Variants in CLYBL observed in about 807,000 individuals in gnomAD.
The protein encoded by CLYBL is citramalyl-CoA lyase, also known as citramalyl-CoA lyase, mitochondrial.
A neutral mutation model predicts 38.9 loss-of-function variants in CLYBL; 31 were observed. The ratio of observed to expected loss-of-function variants is 0.80; its 90% CI spans 0.60 to 1.08. The LOEUF (loss-of-function observed/expected upper bound fraction) is 1.08, where lower values mean the gene tolerates loss of function less well. Ranked by LOEUF, CLYBL falls within the 50% of genes least tolerant of loss-of-function variation. The pLI is 0.00. For synonymous variants in CLYBL, 171 were observed against 158.6 expected (o/e 1.08, Z -0.59); for missense variants, 434 against 411.6 (o/e 1.05, Z -0.47).
chr13:99,634,306 CTG>C (rs985733480), intron 1 of CLYBL, among the ~76,000 whole-genome samples: 2 of 152,190 alleles, frequency 1.3e-5, no homozygotes, highest in Admixed American at 1.3e-4. Flanking sequence ...TAAACAAAAA[CTG>C]AGAGAATTTG....
In CLYBL at chr13:99,885,580, C is replaced by T. The variant is rs776851880; in HGVS notation, c.928-5738C>T. 7.2e-5 allele frequency among the ~76,000 whole-genome samples: 11 copies of T among 152,290 alleles called. No individual in the cohort carries two copies. In the South Asian group the frequency reaches 8.3e-4, roughly 11 times the overall value. On this transcript the variant is annotated intron_variant, in intron 7 of 8. Transcript: ENST00000339105. ...CACGCTCCCAACTAGAAAAGTGCCA[C>T]TCCCTATAAACATCCTGGCACCATG...
At chr13:99,770,777 A>C (rs2049373971) in intron 1 of CLYBL, among the ~76,000 whole-genome samples, 2 of 151,840 alleles carry the variant, frequency 1.3e-5, no homozygotes, top group South Asian at 4.2e-4. Context: ...GCTGGAGTGC[A>C]GTGGTGCGAT....
At chr13:99,842,194 A>G (rs1364539702) in intron 2 of CLYBL, among the ~76,000 whole-genome samples, 2 of 152,120 alleles carry the variant, frequency 1.3e-5, no homozygotes, top group Admixed American at 6.5e-5. Context: ...ATGAGGGGGC[A>G]TGATCTAGCA....
intron 4 of CLYBL, among the ~76,000 whole-genome samples, chr13:99,863,704 C>T (rs1168052936): frequency 6.6e-6 from 1 of 152,164 alleles, no homozygotes; most frequent in African/African-American, 2.4e-5. Context: ...AGAGCTAGCT[C>T]GTTTTTTCTC....
chr13:99,839,017 T>TAAAG (rs1166448927), intron 2 of CLYBL, among the ~76,000 whole-genome samples: 4 of 152,354 alleles, frequency 2.6e-5, no homozygotes, highest in Admixed American at 6.5e-5. Context: ...AAGACTACCC[T>TAAAG]AAAGACCATA....
Position 99,795,212 on chromosome 13 carries a change from A to G in CLYBL, c.249+22202A>G, listed in dbSNP as rs7982629. Among the ~76,000 whole-genome samples the G allele has an allele frequency of 8.8e-3, 1,339 of 152,280 alleles. 22 individuals carry two copies. The highest frequency in any genetic ancestry group is 0.03 in the African/African-American group (1,265 of 41,556). ...CAAATATGTTTTTGCAATTTCCTCC[A>G]TGTAATGCAGTTGTGTTAGCCATTT... On this transcript the variant is annotated intron_variant, in intron 2 of 8. Coordinates refer to ENST00000339105, the MANE Select transcript of CLYBL (RefSeq NM_206808.5).
At chr13:99,843,995 A>G (rs2051142456) in intron 2 of CLYBL, among the ~76,000 whole-genome samples, 1 of 152,264 alleles carries the variant, frequency 6.6e-6, no homozygotes, top group Non-Finnish European at 1.5e-5. Flanking sequence ...CATGTCGAGC[A>G]TAAACAGATA....
chr13:99,789,889 G>A (rs910542786), intron 2 of CLYBL, among the ~76,000 whole-genome samples: 5 of 152,090 alleles, frequency 3.3e-5, no homozygotes, highest in Non-Finnish European at 7.4e-5. Context: ...CTCCTGTATT[G>A]GGTGCATATA....
intron 2 of CLYBL, among the ~76,000 whole-genome samples, chr13:99,851,439 G>A (rs1301514710): frequency 6.6e-6 from 1 of 150,946 alleles, no homozygotes; most frequent in Non-Finnish European, 1.5e-5. Context: ...AGTAATTGGT[G>A]CCACATTGTA....
chr13:99,788,073 T>G (rs557632610), intron 2 of CLYBL, among the ~76,000 whole-genome samples: 7 of 152,376 alleles, frequency 4.6e-5, no homozygotes, highest in Admixed American at 3.3e-4. Context: ...TTGCTGAAGT[T>G]GCTTATCAGC....
intron 1 of CLYBL, among the ~76,000 whole-genome samples, chr13:99,711,232 G>A (rs1315014776): frequency 1.3e-5 from 2 of 151,922 alleles, no homozygotes; most frequent in African/African-American, 4.8e-5. Context: ...TAAACTGGGT[G>A]TCTTATAAGC....
chr13:99,754,134 G>A (rs1480636495), intron 1 of CLYBL, among the ~76,000 whole-genome samples: 2 of 147,362 alleles, frequency 1.4e-5, no homozygotes, highest in African/African-American at 2.5e-5. Context: ...ACTTGGCCGG[G>A]TGTGGTGGCT....
At chr13:99,893,972 C>T (rs975699658), downstream of CLYBL, 1 of 152,376 alleles carries the variant, frequency 6.6e-6, no homozygotes, top group Non-Finnish European at 1.5e-5. Context: ...TTATCTTCCT[C>T]ATAACCCATG....
intron 1 of CLYBL, among the ~76,000 whole-genome samples, chr13:99,745,233 TAAAC>T (rs1469831449): frequency 6.6e-6 from 1 of 152,252 alleles, no homozygotes; most frequent in Non-Finnish European, 1.5e-5. Flanking sequence ...AAGTCACAAA[TAAAC>T]CATAACATAG....
intron 1 of CLYBL, among the ~76,000 whole-genome samples, chr13:99,768,192 CTTTTTTTTTTT>C (rs58499426): frequency 5.8e-5 from 6 of 102,672 alleles, no homozygotes; most frequent in Non-Finnish European, 9.1e-5. Context: ...TTTTCTTTTT[CTTTTTTTTTTT>C]TTTTTTTTTG....
At chr13:99,682,402 A>G (rs954216710) in intron 1 of CLYBL, among the ~76,000 whole-genome samples, 4 of 152,140 alleles carry the variant, frequency 2.6e-5, no homozygotes, top group African/African-American at 9.7e-5. Flanking sequence ...TTGGCCTCCC[A>G]AAGTGCTGGG....
At chr13:99,771,692 A>G (rs1330456985) in intron 1 of CLYBL, among the ~76,000 whole-genome samples, 1 of 152,084 alleles carries the variant, frequency 6.6e-6, no homozygotes, top group Non-Finnish European at 1.5e-5. Flanking sequence ...TCTACCAGAG[A>G]CTGAACTTGG....
At chr13:99,754,858 C>G (rs1448748021) in intron 1 of CLYBL, among the ~76,000 whole-genome samples, 1 of 149,302 alleles carries the variant, frequency 6.7e-6, no homozygotes, top group Non-Finnish European at 1.5e-5. Flanking sequence ...TTCCAAAGTG[C>G]TGGAATTACA....
At chr13:99,715,569 A>AT (rs1186457979) in intron 1 of CLYBL, among the ~76,000 whole-genome samples, 2 of 151,694 alleles carry the variant, frequency 1.3e-5, no homozygotes, top group African/African-American at 4.8e-5. Flanking sequence ...TGCCTGGGTA[A>AT]TTTTTTGTAT....
Sources: allele counts gnomAD v4.1 joint callset (sites outside exome capture counted in the v4.1 genomes callset), GRCh38; gene constraint gnomAD v4.1.1; transcripts MANE v1.5; gene names NCBI Gene and HGNC (gene_info 2026-07-23, HGNC 2026-07-21).